Variants in TNS1 observed in about 807,000 individuals in gnomAD.
The protein encoded by TNS1 is tensin-1.
A neutral mutation model predicts 168.6 loss-of-function variants in TNS1; 62 were observed. That is an observed-to-expected ratio of 0.37 (90% confidence interval 0.30 to 0.45). TNS1 has a LOEUF of 0.45. Ranked by LOEUF, TNS1 falls within the 20% of genes least tolerant of loss-of-function variation. The pLI, the probability that TNS1 is intolerant of heterozygous loss-of-function variation, is 1.00. For missense variants in TNS1, 2,240 were observed against 2,339.4 expected, an observed-to-expected ratio of 0.96 and a Z score of 0.88; for synonymous variants, 934 against 933.2, an observed-to-expected ratio of 1.00 and a Z score of -0.02.
At chr2:217,823,399 G>A (rs1383971471) in intron 22 of TNS1, among the ~76,000 whole-genome samples, 1 of 152,230 alleles carries the variant, frequency 6.6e-6, no homozygotes, top group Non-Finnish European at 1.5e-5. Flanking sequence ...GGTCCAGCTA[G>A]CTGAAATGCA....
chr2:217,956,816 TG>T lies in TNS1; in HGVS notation c.186+21948del, dbSNP rs1957374354. On this transcript the variant is annotated intron_variant, in intron 3 of 32. Coordinates refer to ENST00000682258, the MANE Select transcript of TNS1 (RefSeq NM_001387777.1). The stretch of plus-strand genomic sequence containing the variant: ...GTGCCTTGGATCCTGGGGAGATTGC[TG>T]GGAAGAGGACCTATGTGTCCCCATG... 1.1e-4 allele frequency among the ~76,000 whole-genome samples: 16 copies of T among 152,244 alleles called. 1 individual carries two copies. The South Asian group carries it at 3.3e-3, about 32-fold the overall frequency.
chr2:217,852,433 T>C (rs892862448), intron 18 of TNS1, among the ~76,000 whole-genome samples: 1 of 152,218 alleles, frequency 6.6e-6, no homozygotes, highest in African/African-American at 2.4e-5. Flanking sequence ...CCCACGTTCA[T>C]GCTCATGTGG....
In TNS1 at chr2:217,808,208, A is replaced by G. The variant is rs1179256906; in HGVS notation, c.5343-101T>C. On this transcript the variant is annotated intron_variant, in intron 31 of 32. Coordinates refer to ENST00000682258, the MANE Select transcript of TNS1 (RefSeq NM_001387777.1). ...CTCTGCAGGAAGGTCTGGGGAGAGGAGCTGCCCCCCATTCCCCCCTCATTC... is the reference window on the plus strand; with the variant it reads ...CTCTGCAGGAAGGTCTGGGGAGAGGGGCTGCCCCCCATTCCCCCCTCATTC... The G allele has an allele frequency of 3.5e-6, 5 of 1,423,368 alleles. No individual in the cohort carries two copies. The African/African-American group carries it at 5.7e-5, about 16-fold the overall frequency. The allele number at this position is 1,423,368 out of a possible 1,614,324, so 88.2% of individuals were successfully genotyped here. A position where few individuals can be genotyped will look rare whatever the true frequency, so the allele number is the denominator to read the frequency against.
chr2:217,831,942 AACACACACACAC>A (rs66652637), intron 21 of TNS1, among the ~76,000 whole-genome samples: 1 of 146,186 alleles, frequency 6.8e-6, no homozygotes, highest in African/African-American at 2.5e-5. Flanking sequence ...ACCCTCACCC[AACACACACACAC>A]ACACACACAC....
chr2:217,883,921 A>T (rs1317563065), intron 16 of TNS1, among the ~76,000 whole-genome samples: 1 of 152,198 alleles, frequency 6.6e-6, no homozygotes, highest in African/African-American at 2.4e-5. Flanking sequence ...AAAAGAAGTT[A>T]CAGCAAGGAT....
intron 4 of TNS1, among the ~76,000 whole-genome samples, chr2:217,912,145 G>C (rs148367108): frequency 3.7e-4 from 57 of 152,360 alleles, no homozygotes; most frequent in Non-Finnish European, 3.2e-4. Flanking sequence ...CTGGAAGGTT[G>C]GGGGGTGGCT....
chr2:217,882,235 C>T (rs977638059), intron 17 of TNS1, 111 bp downstream of exon 17: 1 of 719,834 alleles, frequency 1.4e-6, no homozygotes, highest in Non-Finnish European at 2.4e-6. Flanking sequence ...GATGGCCTGC[C>T]TCTCAAAAAT....
At position 217,800,624 on chromosome 2, in the gene TNS1, G is replaced by A. The variant is rs1025910487; in HGVS notation, c.*3835C>T. 6.6e-6 allele frequency: 1 copy of A among 152,262 alleles called. No individual in the cohort carries two copies. Among genetic ancestry groups the A allele is most frequent in the African/African-American group, 2.4e-5 (1 of 41,426 alleles). The allele number at this position is 152,262 out of a possible 1,614,324, so 9.4% of individuals were successfully genotyped here. On this transcript the variant is annotated 3_prime_UTR_variant, in exon 33 of 33. Coordinates refer to ENST00000682258, the MANE Select transcript of TNS1 (RefSeq NM_001387777.1). Reference sequence around the variant, plus strand: ...GGAAACGCGAGTCTCAGGATTCCAGGGCCTGGACCTGGGGTAAAGGGCTGC... The same window carrying A: ...GGAAACGCGAGTCTCAGGATTCCAGAGCCTGGACCTGGGGTAAAGGGCTGC...
chr2:217,842,666 AAG>A (rs1393658140), intron 19 of TNS1, among the ~76,000 whole-genome samples: 1 of 152,064 alleles, frequency 6.6e-6, no homozygotes, highest in Non-Finnish European at 1.5e-5. Context: ...AATCCTTCCT[AAG>A]GCTTCTCATG....
intron 3 of TNS1, among the ~76,000 whole-genome samples, chr2:217,963,971 A>G (rs773487441): frequency 1.3e-5 from 2 of 151,952 alleles, no homozygotes; most frequent in African/African-American, 2.4e-5. Context: ...ATCTTAAAAC[A>G]AGAGACTTTG....
chr2:217,810,378 G>T, intron 28 of TNS1, 59 bp from the exon 29 acceptor site: 1 of 1,565,496 alleles, frequency 6.4e-7, no homozygotes, highest in East Asian at 2.2e-5. Flanking sequence ...CACAAGTTTG[G>T]CTGGGCTGAA....
upstream of TNS1, among the ~76,000 whole-genome samples, chr2:218,007,379 A>G (rs1196202592): frequency 2.6e-5 from 4 of 152,214 alleles, no homozygotes; most frequent in Non-Finnish European, 5.9e-5. Flanking sequence ...CAACCAGCTC[A>G]GGGTCACACA....
intron 1 of TNS1, among the ~76,000 whole-genome samples, chr2:218,029,814 T>C (rs1004055283): frequency 6.6e-6 from 1 of 152,242 alleles, no homozygotes; most frequent in African/African-American, 2.4e-5. Context: ...GTTCTGTTTC[T>C]AGACTCTGCA....
intron 13 of TNS1, among the ~76,000 whole-genome samples, chr2:217,886,308 A>T (rs992617353): frequency 2.6e-5 from 4 of 152,368 alleles, no homozygotes; most frequent in African/African-American, 9.6e-5. Flanking sequence ...AGGCAAATTA[A>T]ATTAATAAAA....
At chr2:217,888,412 C>T (rs1309814494) in intron 12 of TNS1, among the ~76,000 whole-genome samples, 1 of 152,148 alleles carries the variant, frequency 6.6e-6, no homozygotes, top group East Asian at 1.9e-4. Flanking sequence ...AGAGAGGTGA[C>T]CCATCCACAA....
At chr2:217,976,630 G>A (rs1278817146) in intron 3 of TNS1, among the ~76,000 whole-genome samples, 1 of 152,214 alleles carries the variant, frequency 6.6e-6, no homozygotes, top group Non-Finnish European at 1.5e-5. Flanking sequence ...CAGCACACGT[G>A]AGAGACTCCT....
At position 217,831,481 on chromosome 2, in the gene TNS1, G is replaced by T; in HGVS notation, c.3347C>A (p.Ala1116Glu). Residue 1116 changes from alanine to glutamate, a missense_variant, in exon 22 of 33, where the codon GCG becomes GAG. Transcript: ENST00000682258. ...SALGLKPHNP[A>E]DILLHPTGEP... Reference sequence around the variant, plus strand: ...TCCTGTGGGGTGCAACAGGATGTCCGCTGGGTTGTGAGGTTTCAGGCCCAG... The same window carrying T: ...TCCTGTGGGGTGCAACAGGATGTCCTCTGGGTTGTGAGGTTTCAGGCCCAG... 1 of 1,588,998 alleles carries T rather than the reference G, an allele frequency of 6.3e-7. No homozygotes were observed. Among genetic ancestry groups the T allele is most frequent in the Non-Finnish European group, 8.6e-7 (1 of 1,168,652 alleles).
intron 18 of TNS1, among the ~76,000 whole-genome samples, chr2:217,877,123 C>T (rs552225823): frequency 8.5e-5 from 13 of 152,248 alleles, no homozygotes; most frequent in Middle Eastern, 3.4e-3. Context: ...ACCCTCATCA[C>T]GCCCCCCTCC....
chr2:218,022,222 A>T (rs1027570740), intron 1 of TNS1, among the ~76,000 whole-genome samples: 2 of 152,094 alleles, frequency 1.3e-5, no homozygotes, highest in African/African-American at 4.8e-5. Flanking sequence ...GCAGAGTGAC[A>T]GGGAGACTCA....
Sources: gnomAD v4.1 joint callset for allele counts (sites outside exome capture counted in the v4.1 genomes callset) on GRCh38, gnomAD v4.1.1 for gene constraint, MANE v1.5 for transcripts, NCBI Gene and HGNC (gene_info 2026-07-23, HGNC 2026-07-21) for gene names.